UGGT2: variants seen among roughly 807,000 people sequenced by gnomAD.
UGGT2 encodes the protein UDP-glucose:glycoprotein glucosyltransferase 2.
Under a neutral mutation model 192.1 loss-of-function variants are expected in UGGT2, and 180 were observed. The observed-to-expected ratio is 0.94, with a 90% CI of 0.83 to 1.06. UGGT2 has a LOEUF of 1.06. Ranked by LOEUF, UGGT2 falls within the 50% of genes least tolerant of loss-of-function variation. The probability of loss-of-function intolerance (pLI) is 0.00; values close to 1 mark genes in which losing one functional copy is unlikely to be tolerated. For missense variants in UGGT2, 1,849 were observed against 1,795.7 expected (o/e 1.03, Z -0.54); for synonymous variants, 580 against 591.0 (o/e 0.98, Z 0.27).
Position 95,972,528 on chromosome 13 carries a change from G to C in UGGT2, c.1184+52C>G, listed in dbSNP as rs144995447. 5,104 of 1,404,880 alleles carry C rather than the reference G, an allele frequency of 3.6e-3. 24 individuals carry two copies. The highest frequency in any genetic ancestry group is 4.0e-3 in the Non-Finnish European group (4,005 of 1,006,920). 87.0% of individuals were successfully genotyped at this position (1,404,880 alleles called of 1,614,324 possible). ...TGACTTACACTAAATTCAAGACAAT[G>C]TTTATTTTTATATAAACCATAGTTC... On this transcript the variant is annotated intron_variant, in intron 11 of 38. Coordinates refer to ENST00000376747, the MANE Select transcript of UGGT2 (RefSeq NM_020121.4).
At chr13:95,977,476 A>G (rs983920920) in intron 10 of UGGT2, among the ~76,000 whole-genome samples, 2 of 152,240 alleles carry the variant, frequency 1.3e-5, no homozygotes, top group African/African-American at 4.8e-5. Flanking sequence ...GAGAAATGCA[A>G]ATCAAAACCA....
At chr13:95,936,900 ATT>A (rs1270545416) in intron 17 of UGGT2, 22 bp downstream of exon 17, 74 of 1,476,420 alleles carry the variant, frequency 5.0e-5, no homozygotes, top group Non-Finnish European at 6.0e-5. Flanking sequence ...TTCATCATGT[ATT>A]TTCTTATAAA....
intron 36 of UGGT2, among the ~76,000 whole-genome samples, chr13:95,840,635 C>G (rs1006191975): frequency 6.6e-6 from 1 of 152,144 alleles, no homozygotes; most frequent in Non-Finnish European, 1.5e-5. Flanking sequence ...TTGTGAAAGA[C>G]AGTGTGGCAA....
chr13:95,972,711 C>T, intron 10 of UGGT2, 40 bp from the exon 11 acceptor site: 1 of 1,454,972 alleles, frequency 6.9e-7, no homozygotes, highest in Non-Finnish European at 9.6e-7. Context: ...AGTGATAGAA[C>T]AATAGTGACC....
At chr13:95,973,681 G>A (rs902907543) in intron 10 of UGGT2, among the ~76,000 whole-genome samples, 2 of 152,164 alleles carry the variant, frequency 1.3e-5, no homozygotes, top group African/African-American at 4.8e-5. Context: ...AAGCAAAGTA[G>A]TCAAGATCAC....
chr13:96,037,012 T>C (rs2053024272), intron 1 of UGGT2, among the ~76,000 whole-genome samples: 1 of 152,254 alleles, frequency 6.6e-6, no homozygotes, highest in African/African-American at 2.4e-5. Context: ...AATAAGTGTA[T>C]TTCTTCAAAA....
chr13:95,887,599 T>A (rs1279273064), intron 26 of UGGT2, among the ~76,000 whole-genome samples: 1 of 152,202 alleles, frequency 6.6e-6, no homozygotes, highest in African/African-American at 2.4e-5. Context: ...TTATTTCCCA[T>A]TGATGTATAT....
At chr13:96,037,856 G>A in intron 1 of UGGT2, among the ~76,000 whole-genome samples, 1 of 152,158 alleles carries the variant, frequency 6.6e-6, no homozygotes, top group Non-Finnish European at 1.5e-5. Flanking sequence ...AAGGAAAGCA[G>A]AATAACGAAC....
At chr13:95,837,344 T>C (rs1205629241) in intron 36 of UGGT2, 142 bp from the exon 37 acceptor site, 1 of 639,468 alleles carries the variant, frequency 1.6e-6, no homozygotes, top group East Asian at 2.7e-5. Flanking sequence ...CTTTAAAGCT[T>C]AAAATACCTA....
chr13:95,888,196 T>C (rs1415753896), intron 25 of UGGT2, among the ~76,000 whole-genome samples: 1 of 152,178 alleles, frequency 6.6e-6, no homozygotes, highest in African/African-American at 2.4e-5. Context: ...ACAGTTGATT[T>C]CAATGTCCCA....
chr13:95,948,825 C>CA (rs1317924137), intron 13 of UGGT2, among the ~76,000 whole-genome samples: 1 of 152,136 alleles, frequency 6.6e-6, no homozygotes, highest in Non-Finnish European at 1.5e-5. Context: ...TGTGCCCACT[C>CA]AAATCTCATC....
At chr13:96,049,788 C>A (rs1344062172) in intron 1 of UGGT2, among the ~76,000 whole-genome samples, 3 of 152,140 alleles carry the variant, frequency 2.0e-5, no homozygotes, top group Non-Finnish European at 4.4e-5. Context: ...TGAAGGACCT[C>A]TTCAAAGAGA....
intron 5 of UGGT2, among the ~76,000 whole-genome samples, chr13:96,008,675 G>C (rs1466765988): frequency 6.6e-6 from 1 of 152,136 alleles, no homozygotes; most frequent in Non-Finnish European, 1.5e-5. Context: ...AACTAGGGAG[G>C]TGAATCTCTA....
chr13:95,908,383 C>G (rs1438513521), intron 20 of UGGT2, among the ~76,000 whole-genome samples: 1 of 152,174 alleles, frequency 6.6e-6, no homozygotes, highest in African/African-American at 2.4e-5. Context: ...TGTTCAAATT[C>G]AGGAAATACA....
chr13:96,008,138 T>C (rs2052039476), intron 5 of UGGT2, among the ~76,000 whole-genome samples: 1 of 152,230 alleles, frequency 6.6e-6, no homozygotes, highest in Non-Finnish European at 1.5e-5. Context: ...AAAAATGTTT[T>C]GTGTGAGACT....
At chr13:95,884,757 T>C (rs2047597877) in intron 26 of UGGT2, 77 bp from the exon 27 acceptor site, 2 of 1,394,626 alleles carry the variant, frequency 1.4e-6, no homozygotes, top group Non-Finnish European at 1.9e-6. Context: ...AAATTGAAAA[T>C]TGCTTAATGA....
chr13:95,847,428 T>C (rs977647553), intron 36 of UGGT2, among the ~76,000 whole-genome samples: 2 of 152,184 alleles, frequency 1.3e-5, no homozygotes, highest in African/African-American at 4.8e-5. Flanking sequence ...TGCCTAAAAA[T>C]TCTCTGTGCT....
Position 95,949,448 on chromosome 13 carries a change from T to C in UGGT2, c.1342A>G (p.Asn448Asp). Residue 448 changes from asparagine to aspartate, a missense_variant, in exon 13 of 39, where the codon AAT (asparagine) becomes GAT (aspartate). Coordinates refer to ENST00000376747, the MANE Select transcript of UGGT2 (RefSeq NM_020121.4). Reference sequence around the variant, plus strand: ...TACAAATCATCATTTTCTAAGTCATTAATCCACTAGAAAAGAACGCAGACA... The same window carrying C: ...TACAAATCATCATTTTCTAAGTCATCAATCCACTAGAAAAGAACGCAGACA... ...DIRHSSIMWI[N>D]DLENDDLYIT... 6.7e-7 allele frequency: 1 copy of C among 1,498,422 alleles called. No individual in the cohort carries two copies. The highest frequency in any genetic ancestry group is 8.9e-7 in the Non-Finnish European group (1 of 1,118,578). 92.8% of individuals were successfully genotyped at this position (1,498,422 alleles called of 1,614,324 possible).
At chr13:95,971,085 C>A (rs935692494) in intron 11 of UGGT2, among the ~76,000 whole-genome samples, 1 of 152,268 alleles carries the variant, frequency 6.6e-6, no homozygotes. Context: ...CCGCTACTCT[C>A]AGGATCAGAG....
Sources: gnomAD v4.1 joint callset for allele counts (sites outside exome capture counted in the v4.1 genomes callset) on GRCh38, gnomAD v4.1.1 for gene constraint, MANE v1.5 for transcripts, NCBI Gene and HGNC (gene_info 2026-07-23, HGNC 2026-07-21) for gene names.